The following NFIB variants were observed in gnomAD, a reference collection of about 807,000 sequenced individuals.
NFIB encodes nuclear factor 1 B-type.
In NFIB, 11 loss-of-function variants were observed where a neutral mutation model predicts 61.5. That is an observed-to-expected ratio of 0.18 (90% CI 0.11 to 0.30). NFIB has a LOEUF of 0.30. Among genes scored for constraint, NFIB ranks in the 10% least tolerant of loss-of-function variants. NFIB has a pLI of 1.00. For synonymous variants in NFIB, 260 were observed against 216.5 expected, an observed-to-expected ratio of 1.20 and a Z score of -1.76; for missense variants, 471 against 608.9, an observed-to-expected ratio of 0.77 and a Z score of 2.38.
At chr9:14,395,305 G>T (rs796816937) in intron 1 of NFIB, among the ~76,000 whole-genome samples, 59 of 134,218 alleles carry the variant, frequency 4.4e-4, no homozygotes, top group African/African-American at 1.5e-3. Context: ...TTTCGGGACA[G>T]CCAAAAAAAA....
chr9:14,415,848 G>C, the NFIB span, among the ~76,000 whole-genome samples: 1 of 152,158 alleles, frequency 6.6e-6, no homozygotes, highest in Non-Finnish European at 1.5e-5. Context: ...GCCTAATTCA[G>C]CCATCTTTGG....
At chr9:14,141,509 A>T (rs779562016) in intron 6 of NFIB, among the ~76,000 whole-genome samples, 1 of 152,114 alleles carries the variant, frequency 6.6e-6, no homozygotes, top group Non-Finnish European at 1.5e-5. Context: ...GTTCTCTCAT[A>T]ATCTTATTTA....
chr9:14,367,611 A>C (rs1354454787), intron 1 of NFIB, among the ~76,000 whole-genome samples: 1 of 152,204 alleles, frequency 6.6e-6, no homozygotes, highest in Non-Finnish European at 1.5e-5. Flanking sequence ...ATGAGAGGGC[A>C]AAGACTTGGA....
At chr9:14,517,375 C>A in the NFIB span, among the ~76,000 whole-genome samples, 1 of 152,154 alleles carries the variant, frequency 6.6e-6, no homozygotes, top group South Asian at 2.1e-4. Context: ...GGGCCACTTT[C>A]CAAAAGGGTG....
At chr9:14,417,804 G>C in the NFIB span, among the ~76,000 whole-genome samples, 1 of 140,202 alleles carries the variant, frequency 7.1e-6, no homozygotes, top group Admixed American at 7.4e-5. Context: ...TTTTGAGACG[G>C]AGTTTCACTC....
chr9:14,488,281 T>C, the NFIB span, among the ~76,000 whole-genome samples: 1 of 151,704 alleles, frequency 6.6e-6, no homozygotes, highest in Non-Finnish European at 1.5e-5. Context: ...GAGGATCACT[T>C]GAGCCCAGGA....
intron 2 of NFIB, among the ~76,000 whole-genome samples, chr9:14,265,339 G>C (rs2057107715): frequency 6.6e-6 from 1 of 152,162 alleles, no homozygotes; most frequent in Admixed American, 6.5e-5. Context: ...CATATTTGGA[G>C]ATAAAGCCTT....
chr9:14,368,110 C>T (rs536507669), intron 1 of NFIB, among the ~76,000 whole-genome samples: 2 of 150,022 alleles, frequency 1.3e-5, no homozygotes, highest in East Asian at 3.9e-4. Context: ...AAAACCTGCA[C>T]GTTCTGCACA....
intron 2 of NFIB, among the ~76,000 whole-genome samples, chr9:14,250,276 T>C (rs542638967): frequency 6.7e-6 from 1 of 149,566 alleles, no homozygotes; most frequent in East Asian, 1.9e-4. Context: ...TCTTTTTTTG[T>C]TTTCTTTATG....
At chr9:14,209,385 G>C (rs1456237337) in intron 2 of NFIB, among the ~76,000 whole-genome samples, 1 of 152,210 alleles carries the variant, frequency 6.6e-6, no homozygotes, top group Non-Finnish European at 1.5e-5. Context: ...GCAATTGCTA[G>C]AGAATGTGGC....
At chr9:14,324,735 C>G (rs1295873624) in intron 1 of NFIB, among the ~76,000 whole-genome samples, 1 of 152,054 alleles carries the variant, frequency 6.6e-6, no homozygotes, top group African/African-American at 2.4e-5. Flanking sequence ...GTGTCATGTT[C>G]AGGCTTTCAT....
chr9:14,521,117 G>A, the NFIB span, among the ~76,000 whole-genome samples: 1 of 152,138 alleles, frequency 6.6e-6, no homozygotes, highest in African/African-American at 2.4e-5. Flanking sequence ...CAGGAAGAGT[G>A]GCTTTAGTGA....
At chr9:14,184,097 G>GT (rs1213112186) in intron 2 of NFIB, among the ~76,000 whole-genome samples, 2 of 19,392 alleles carry the variant, frequency 1.0e-4, no homozygotes, top group Non-Finnish European at 4.1e-3. Context: ...TAATATCTAA[G>GT]CTTACCTAAG....
upstream of NFIB, among the ~76,000 whole-genome samples, chr9:14,316,635 TTCTC>T (rs1349302936): frequency 1.3e-5 from 2 of 152,276 alleles, no homozygotes; most frequent in African/African-American, 4.8e-5. Context: ...AAATACTCAT[TTCTC>T]TCAGAAATTT....
the NFIB span, among the ~76,000 whole-genome samples, chr9:14,480,314 T>G: frequency 6.6e-6 from 1 of 152,154 alleles, no homozygotes; most frequent in Non-Finnish European, 1.5e-5. Context: ...GCTTTTTAGC[T>G]GTACCATGCT....
Position 14,093,635 on chromosome 9 carries a change from A to T in NFIB, c.1468-5309T>A, listed in dbSNP as rs58501794. 1.4e-4 allele frequency among the ~76,000 whole-genome samples: 21 copies of T among 152,192 alleles called. No individual in the cohort carries two copies. The East Asian group carries it at 3.9e-3, about 28-fold the overall frequency. On this transcript the variant is annotated intron_variant, in intron 10 of 10. Coordinates refer to ENST00000380953, the MANE Select transcript of NFIB (RefSeq NM_001190737.2). Reference sequence around the variant, plus strand: ...TGGAAAGGTTTTTACTTCCTTGGCTAAACACTCTAATTTTATTGGCAAAAT... The same window carrying T: ...TGGAAAGGTTTTTACTTCCTTGGCTTAACACTCTAATTTTATTGGCAAAAT...
chr9:14,287,405 G>C (rs776846729), intron 2 of NFIB, among the ~76,000 whole-genome samples: 4 of 151,406 alleles, frequency 2.6e-5, no homozygotes, highest in Non-Finnish European at 4.4e-5. Flanking sequence ...CTCCAGCCTG[G>C]GTGACAGACC....
Position 14,085,371 on chromosome 9 carries a change from C to T in NFIB, c.*2938G>A. On this transcript the variant is annotated 3_prime_UTR_variant, in exon 11 of 11. Coordinates refer to ENST00000380953, the MANE Select transcript of NFIB (RefSeq NM_001190737.2). The stretch of plus-strand genomic sequence containing the variant: ...TTTTCCTTCTAGTAATGAATACACT[C>T]AATGGGACTGGGCGGTGAGGGAAAG... The T allele has an allele frequency of 4.4e-6, 1 of 224,800 alleles. No homozygotes were observed. Among genetic ancestry groups the T allele is most frequent in the Non-Finnish European group, 8.9e-6 (1 of 112,860 alleles). The allele number at this position is 224,800 out of a possible 1,614,324, so 13.9% of individuals were successfully genotyped here. A position where few individuals can be genotyped will look rare whatever the true frequency, so the allele number is the denominator to read the frequency against.
chr9:14,389,419 AT>A (rs1454604308), intron 1 of NFIB, among the ~76,000 whole-genome samples: 1 of 152,170 alleles, frequency 6.6e-6, no homozygotes, highest in African/African-American at 2.4e-5. Context: ...AACATATTAA[AT>A]AGATCCATAT....
Sources: gnomAD v4.1 joint callset for allele counts (sites outside exome capture counted in the v4.1 genomes callset) on GRCh38, gnomAD v4.1.1 for gene constraint, MANE v1.5 for transcripts, NCBI Gene and HGNC (gene_info 2026-07-23, HGNC 2026-07-21) for gene names.